NFIC: variants seen among roughly 807,000 people sequenced by gnomAD.
The protein encoded by NFIC is nuclear factor I C.
In NFIC, 12 loss-of-function variants were observed where a neutral mutation model predicts 54.4. The ratio of observed to expected loss-of-function variants is 0.22; its 90% CI spans 0.14 to 0.36. The LOEUF (loss-of-function observed/expected upper bound fraction) is 0.36, where lower values mean the gene tolerates loss of function less well. NFIC is among the 10% of genes least tolerant of loss of function. The probability of loss-of-function intolerance (pLI) is 1.00; values close to 1 mark genes in which losing one functional copy is unlikely to be tolerated. For missense variants in NFIC, 575 were observed against 718.2 expected (o/e 0.80, Z 2.28); for synonymous variants, 322 against 319.2 (o/e 1.01, Z -0.09).
rs1163198567 is a variant in NFIC, at chr19:3,369,335, T to C, written c.30+2669T>C. Among the ~76,000 whole-genome samples the C allele has an allele frequency of 6.6e-6, 1 of 152,090 alleles. No homozygotes were observed. The highest frequency in any genetic ancestry group is 1.5e-5 in the Non-Finnish European group (1 of 68,016). ...TCTCTGCGTGTCTCCCCTTGCCCCC[T>C]CTCTCCCTGTCTCTCTCTATCTCTG... On this transcript the variant is annotated intron_variant, in intron 1 of 10. Transcript: ENST00000443272. The surrounding 1 kb of genome is among the most constrained non-coding windows in gnomAD (Gnocchi z 4.3).
At chr19:3,363,592 T>G (rs1055138837), upstream of NFIC, among the ~76,000 whole-genome samples, 9 of 152,002 alleles carry the variant, frequency 5.9e-5, no homozygotes, top group Admixed American at 2.0e-4. Flanking sequence ...TGTGTGTGTG[T>G]GGGTGTGTGT....
intron 2 of NFIC, among the ~76,000 whole-genome samples, chr19:3,420,443 T>G (rs917222901): frequency 6.6e-6 from 1 of 151,936 alleles, no homozygotes; most frequent in Admixed American, 6.6e-5. Context: ...TCCCAGCTAC[T>G]TGGGAGGCTG....
At chr19:3,393,981 C>T (rs1251256120) in intron 2 of NFIC, among the ~76,000 whole-genome samples, 2 of 151,050 alleles carry the variant, frequency 1.3e-5, no homozygotes, top group African/African-American at 2.4e-5. Flanking sequence ...CTCGCTCTGT[C>T]GCCCAGGCTG....
Position 3,463,690 on chromosome 19 carries a change from G to A in NFIC, c.*921G>A, listed in dbSNP as rs879527186. 18 of 984,014 alleles carry A rather than the reference G, an allele frequency of 1.8e-5. No individual in the cohort carries two copies. The Admixed American group carries it at 1.0e-3, about 57-fold the overall frequency. The allele number at this position is 984,014 out of a possible 1,614,324, so 61.0% of individuals were successfully genotyped here. On this transcript the variant is annotated 3_prime_UTR_variant, in exon 11 of 11. Coordinates refer to ENST00000443272, the MANE Select transcript of NFIC (RefSeq NM_001245002.2). Reference sequence around the variant, plus strand: ...CCCGGCTCACACCCCCAAAGGGAGGGACCCACATTGCACACACTGTAAGAA... The same window carrying A: ...CCCGGCTCACACCCCCAAAGGGAGGAACCCACATTGCACACACTGTAAGAA...
chr19:3,456,701 C>A, intron 10 of NFIC, 66 bp downstream of exon 10: 2 of 1,346,136 alleles, frequency 1.5e-6, no homozygotes, highest in South Asian at 1.3e-5. Flanking sequence ...CCGGGGGGCT[C>A]AGGGCGAAGA....
At chr19:3,378,065 T>C (rs2081138586) in intron 1 of NFIC, among the ~76,000 whole-genome samples, 1 of 151,448 alleles carries the variant, frequency 6.6e-6, no homozygotes, top group Non-Finnish European at 1.5e-5. Flanking sequence ...GCCAACATGG[T>C]GAAACCCCAT....
intron 3 of NFIC, among the ~76,000 whole-genome samples, chr19:3,427,794 C>T (rs1484733425): frequency 1.0e-4 from 12 of 118,010 alleles, no homozygotes; most frequent in Non-Finnish European, 1.5e-4. Context: ...GCACCCTGGG[C>T]GACACAGCGA....
chr19:3,435,275 C>T (rs1568181082), intron 6 of NFIC, 68 bp downstream of exon 6: 7 of 1,450,182 alleles, frequency 4.8e-6, no homozygotes, highest in Middle Eastern at 2.3e-4. Context: ...CTACGTCTTC[C>T]GGCAGCCACT....
chr19:3,364,031 T>C (rs1481887853), upstream of NFIC, among the ~76,000 whole-genome samples: 1 of 152,202 alleles, frequency 6.6e-6, no homozygotes, highest in Non-Finnish European at 1.5e-5. Context: ...CCCCCACAGA[T>C]GGACAGCATG....
At position 3,434,420 on chromosome 19, in the gene NFIC, C is replaced by A. The variant is rs1310782081; in HGVS notation, c.833+20C>A. On this transcript the variant is annotated intron_variant, in intron 5 of 10. Transcript: ENST00000443272. ...CAGTGGGTAAGTACCCAGGTCCCCA[C>A]CTCTGGGCATTTCATGACCCCATTC... is the stretch of plus-strand genomic sequence containing the variant. The A allele has an allele frequency of 6.3e-6, 10 of 1,579,062 alleles. No homozygotes were observed. The highest frequency in any genetic ancestry group is 8.6e-6 in the Non-Finnish European group (10 of 1,162,690).
rs4600578 is a variant in NFIC at position 3,391,551 on chromosome 19, C to T, written c.562+9308C>T. 5.2e-3 allele frequency among the ~76,000 whole-genome samples: 797 copies of T among 152,130 alleles called. 10 individuals carry two copies. Among genetic ancestry groups the T allele is most frequent in the African/African-American group, 0.018 (759 of 41,512 alleles). On this transcript the variant is annotated intron_variant, in intron 2 of 10. Transcript: ENST00000443272. ...GTGGCTCACACCTGTAATCCCAGCA[C>T]TTTGGGAGGCCGAGGCAGGCAGACC...
chr19:3,409,513 A>C (rs1163910942), intron 2 of NFIC, among the ~76,000 whole-genome samples: 1 of 152,098 alleles, frequency 6.6e-6, no homozygotes, highest in Non-Finnish European at 1.5e-5. Flanking sequence ...CATCCCCCCA[A>C]GGCCTGGCGA....
chr19:3,398,406 G>A (rs2081499329), intron 2 of NFIC, among the ~76,000 whole-genome samples: 1 of 152,134 alleles, frequency 6.6e-6, no homozygotes, highest in South Asian at 2.1e-4. Context: ...AGGCCACCCA[G>A]CCTGGATCTC....
intron 2 of NFIC, among the ~76,000 whole-genome samples, chr19:3,394,995 T>C (rs769831566): frequency 5.9e-5 from 9 of 152,168 alleles, no homozygotes; most frequent in Non-Finnish European, 1.3e-4. Context: ...CGGAAGCAGA[T>C]CTCCAGTCTC....
chr19:3,442,146 G>T (rs2145653810), intron 6 of NFIC, among the ~76,000 whole-genome samples: 2 of 152,286 alleles, frequency 1.3e-5, no homozygotes, highest in South Asian at 4.1e-4. Context: ...GCCCGCTTGG[G>T]GCCTGGGCCA....
intron 3 of NFIC, among the ~76,000 whole-genome samples, chr19:3,433,000 T>A (rs1305863089): frequency 3.3e-5 from 5 of 149,266 alleles, no homozygotes; most frequent in Admixed American, 6.7e-5. Context: ...GGTGTCGCCC[T>A]GTTTCCCAGG....
At chr19:3,434,723 G>A (rs1435660753) in intron 5 of NFIC, among the ~76,000 whole-genome samples, 1 of 152,168 alleles carries the variant, frequency 6.6e-6, no homozygotes, top group Non-Finnish European at 1.5e-5. Context: ...CACACTGTGT[G>A]TGCCCCAGTT....
chr19:3,374,165 T>G (rs2081067782), intron 1 of NFIC, among the ~76,000 whole-genome samples: 1 of 152,192 alleles, frequency 6.6e-6, no homozygotes, highest in South Asian at 2.1e-4. Flanking sequence ...TGTCCTGGTT[T>G]GCTGGCCTGG....
chr19:3,456,539 C>A lies in NFIC; in HGVS notation c.1424-11C>A, dbSNP rs528238152. The stretch of plus-strand genomic sequence containing the variant: ...TCGCTAACGGGCTCTCGGTCTCTCT[C>A]CTCCCTGCAGCCTACTCTCCGCCCG... On this transcript the variant is annotated splice_polypyrimidine_tract_variant and intron_variant, in intron 9 of 10. Transcript: ENST00000443272. 1.9e-5 allele frequency: 29 copies of A among 1,551,356 alleles called. No individual in the cohort carries two copies. The East Asian group carries it at 6.8e-4, about 37-fold the overall frequency.
Sources: allele counts gnomAD v4.1 joint callset (sites outside exome capture counted in the v4.1 genomes callset), GRCh38; gene constraint gnomAD v4.1.1; non-coding constraint Gnocchi (gnomAD v3.1); transcripts MANE v1.5; gene names NCBI Gene and HGNC (gene_info 2026-07-23, HGNC 2026-07-21).